The following TRHDE variants were observed in gnomAD, a reference collection of about 807,000 sequenced individuals.
TRHDE encodes the protein thyrotropin releasing hormone degrading enzyme.
In TRHDE, 72 loss-of-function variants were observed where a neutral mutation model predicts 125.7. The ratio of observed to expected loss-of-function variants is 0.57; its 90% confidence interval spans 0.47 to 0.70. The LOEUF (loss-of-function observed/expected upper bound fraction) is 0.70, where lower values mean the gene tolerates loss of function less well. Among genes scored for constraint, TRHDE ranks in the 30% least tolerant of loss-of-function variants. TRHDE has a pLI of 0.00. For synonymous variants in TRHDE, 509 were observed against 509.1 expected (o/e 1.00, Z 0.00); for missense variants, 1,110 against 1,327.1 (o/e 0.84, Z 2.54).
At chr12:72,479,603 T>G (rs1446482175) in intron 5 of TRHDE, among the ~76,000 whole-genome samples, 1 of 151,630 alleles carries the variant, frequency 6.6e-6, no homozygotes, top group Non-Finnish European at 1.5e-5. Context: ...AAAATAAAGC[T>G]GAAAATTAAA....
intron 15 of TRHDE, among the ~76,000 whole-genome samples, chr12:72,651,076 C>G (rs1055998362): frequency 2.6e-5 from 4 of 152,072 alleles, no homozygotes; most frequent in African/African-American, 9.7e-5. Flanking sequence ...TCCTTTGTTT[C>G]ATTAAAAACA....
chr12:72,367,307 T>C (rs1235077882), intron 2 of TRHDE, among the ~76,000 whole-genome samples: 1 of 152,090 alleles, frequency 6.6e-6, no homozygotes, highest in Non-Finnish European at 1.5e-5. Context: ...TTTTCAATCA[T>C]GTCACTCTGC....
chr12:72,559,909 T>C (rs1057238234), intron 7 of TRHDE, among the ~76,000 whole-genome samples: 5 of 152,228 alleles, frequency 3.3e-5, no homozygotes, highest in Non-Finnish European at 7.3e-5. Flanking sequence ...TCAGTATTTG[T>C]AGTTGTTCTC....
chr12:72,273,616 G>T lies in TRHDE; in HGVS notation c.914+59G>T. ...CCCCGGCGCGCGGCTCGAACCTCTGGGCGGCCTGCGACCCCGGGGACCCAG... is the reference window on the plus strand; with the variant it reads ...CCCCGGCGCGCGGCTCGAACCTCTGTGCGGCCTGCGACCCCGGGGACCCAG... On this transcript the variant is annotated intron_variant, in intron 1 of 18. Coordinates refer to ENST00000261180, the MANE Select transcript of TRHDE (RefSeq NM_013381.3). The surrounding 1 kb of genome is among the most constrained non-coding windows in gnomAD (Gnocchi z 5.3). The T allele has an allele frequency of 6.7e-7, 1 of 1,491,858 alleles. No homozygotes were observed. The highest frequency in any genetic ancestry group is 9.0e-7 in the Non-Finnish European group (1 of 1,113,662). The allele number at this position is 1,491,858 out of a possible 1,614,324, so 92.4% of individuals were successfully genotyped here. A position where few individuals can be genotyped will look rare whatever the true frequency, so the allele number is the denominator to read the frequency against.
intron 2 of TRHDE, among the ~76,000 whole-genome samples, chr12:72,190,624 T>G (rs1877318851): frequency 6.6e-6 from 1 of 152,220 alleles, no homozygotes; most frequent in Admixed American, 6.5e-5. Flanking sequence ...AATGTAAAAT[T>G]GTTTGTATCC....
intron 2 of TRHDE, among the ~76,000 whole-genome samples, chr12:72,200,966 G>C (rs1037467195): frequency 1.3e-5 from 2 of 152,334 alleles, no homozygotes; most frequent in South Asian, 4.1e-4. Context: ...GAGGTCTGGA[G>C]TAGGACAGTG....
In TRHDE at chr12:72,188,806, C is replaced by T. The variant is rs1431533806; in HGVS notation, n.279+83054C>T. On this transcript the variant is annotated intron_variant and non_coding_transcript_variant, in intron 2 of 4. Transcript: ENST00000548156. ...AAGGGGAAGGCATGCCTATGGCTAACCTTTGCCTTGCATATTAACAGTTGC... is the reference window on the plus strand; with the variant it reads ...AAGGGGAAGGCATGCCTATGGCTAATCTTTGCCTTGCATATTAACAGTTGC... Among the ~76,000 whole-genome samples, 25 of 152,194 alleles carry T rather than the reference C, an allele frequency of 1.6e-4. 1 individual carries two copies. The highest frequency in any genetic ancestry group is 1.4e-3 in the Admixed American group (22 of 15,288).
chr12:72,506,448 G>A (rs1878361830), intron 6 of TRHDE, among the ~76,000 whole-genome samples: 1 of 152,132 alleles, frequency 6.6e-6, no homozygotes, highest in Non-Finnish European at 1.5e-5. Context: ...CACTTACTAT[G>A]TACAATGTAT....
intron 2 of TRHDE, among the ~76,000 whole-genome samples, chr12:72,124,216 T>TA (rs1357421055): frequency 6.6e-6 from 1 of 152,166 alleles, no homozygotes; most frequent in Non-Finnish European, 1.5e-5. Flanking sequence ...CTGCAAGTGG[T>TA]AAAAATCCCT....
chr12:72,099,962 A>G (rs549039789), intron 1 of TRHDE, among the ~76,000 whole-genome samples: 28 of 152,276 alleles, frequency 1.8e-4, no homozygotes, highest in African/African-American at 6.5e-4. Context: ...ACGTGCAGAG[A>G]TTTCTGTAGG....
At chr12:72,365,635 T>C (rs966827779) in intron 2 of TRHDE, among the ~76,000 whole-genome samples, 1 of 152,096 alleles carries the variant, frequency 6.6e-6, no homozygotes, top group Non-Finnish European at 1.5e-5. Flanking sequence ...TGAAGAATTA[T>C]ACCTACAACA....
At chr12:72,649,025 A>T (rs899556841) in intron 15 of TRHDE, among the ~76,000 whole-genome samples, 11 of 148,184 alleles carry the variant, frequency 7.4e-5, no homozygotes, top group Admixed American at 5.4e-4. Context: ...AATGACACTT[A>T]AAAAAAAAAC....
At chr12:72,091,860 T>A (rs1439441229) in intron 1 of TRHDE, among the ~76,000 whole-genome samples, 4 of 152,144 alleles carry the variant, frequency 2.6e-5, no homozygotes, top group Non-Finnish European at 4.4e-5. Context: ...AATAGTTACC[T>A]CCTCCTCCTT....
intron 3 of TRHDE, among the ~76,000 whole-genome samples, chr12:72,442,866 C>T (rs1003401682): frequency 6.6e-6 from 1 of 151,814 alleles, no homozygotes; most frequent in Admixed American, 6.6e-5. Flanking sequence ...TTTCTTAATT[C>T]TATCCACTCT....
At chr12:72,206,381 C>G (rs1877665951) in intron 2 of TRHDE, among the ~76,000 whole-genome samples, 1 of 152,160 alleles carries the variant, frequency 6.6e-6, no homozygotes, top group African/African-American at 2.4e-5. Context: ...GTGTGAGCCA[C>G]CACACCCAGC....
intron 2 of TRHDE, among the ~76,000 whole-genome samples, chr12:72,339,243 G>T (rs1869970000): frequency 1.3e-5 from 2 of 152,082 alleles, no homozygotes; most frequent in Admixed American, 6.6e-5. Flanking sequence ...TACTAATTAT[G>T]TTTACCTTAT....
intron 6 of TRHDE, among the ~76,000 whole-genome samples, chr12:72,500,583 G>A (rs1204827193): frequency 6.6e-6 from 1 of 151,838 alleles, no homozygotes; most frequent in African/African-American, 2.4e-5. Context: ...GTAGAGACAG[G>A]GTTTCACCAT....
intron 15 of TRHDE, among the ~76,000 whole-genome samples, chr12:72,635,088 C>A (rs1337751964): frequency 2.0e-5 from 3 of 150,824 alleles, no homozygotes; most frequent in African/African-American, 7.3e-5. Context: ...CTGACTTCCA[C>A]AATGGTTGAA....
intron 2 of TRHDE, among the ~76,000 whole-genome samples, chr12:72,358,596 A>G (rs931199490): frequency 1.3e-5 from 2 of 151,428 alleles, no homozygotes; most frequent in Admixed American, 6.6e-5. Flanking sequence ...AGCGCCTCTA[A>G]CCCGCACATT....
Sources: allele counts gnomAD v4.1 joint callset (sites outside exome capture counted in the v4.1 genomes callset), GRCh38; gene constraint gnomAD v4.1.1; non-coding constraint Gnocchi (gnomAD v3.1); transcripts MANE v1.5; gene names NCBI Gene and HGNC (gene_info 2026-07-23, HGNC 2026-07-21).